ERICH1: variants seen among roughly 807,000 people sequenced by gnomAD.
ERICH1 encodes the protein glutamate rich 1, also known as glutamate-rich protein 1.
ERICH1 carries 56 observed loss-of-function variants against 39.6 expected under a neutral mutation model. That is an observed-to-expected ratio of 1.41 (90% CI 1.14 to 1.77). ERICH1 has a LOEUF of 1.77. ERICH1 is among the 40% of genes most tolerant of loss of function. The probability of loss-of-function intolerance (pLI) is 0.00; values close to 1 mark genes in which losing one functional copy is unlikely to be tolerated. For missense variants in ERICH1, 826 were observed against 575.4 expected, an observed-to-expected ratio of 1.44 and a Z score of -4.45; for synonymous variants, 313 against 223.6, an observed-to-expected ratio of 1.40 and a Z score of -3.57.
chr8:632,215 C>T (rs895845273), intron 3 of ERICH1, among the ~76,000 whole-genome samples: 1 of 152,070 alleles, frequency 6.6e-6, no homozygotes, highest in African/African-American at 2.4e-5. Context: ...CCCGGGGTCT[C>T]ATTTTTCTAT....
At chr8:661,662 A>G (rs970785991), downstream of ERICH1, among the ~76,000 whole-genome samples, 1 of 152,264 alleles carries the variant, frequency 6.6e-6, no homozygotes, top group African/African-American at 2.4e-5. Flanking sequence ...TATCATATCT[A>G]TGCTGACATA....
intron 3 of ERICH1, 76 bp downstream of exon 3, chr8:692,402 A>G: frequency 6.2e-7 from 1 of 1,604,376 alleles, no homozygotes; most frequent in East Asian, 2.2e-5. Context: ...AGATAAAGGT[A>G]TTACAATACC....
chr8:706,936 C>G (rs1473295130), intron 2 of ERICH1, among the ~76,000 whole-genome samples: 1 of 152,168 alleles, frequency 6.6e-6, no homozygotes, highest in Non-Finnish European at 1.5e-5. Flanking sequence ...TCTACAAACT[C>G]ATGCAATACC....
intron 1 of ERICH1, among the ~76,000 whole-genome samples, chr8:722,844 C>T (rs967062154): frequency 6.6e-6 from 1 of 152,210 alleles, no homozygotes; most frequent in South Asian, 2.1e-4. Flanking sequence ...TCAGGAGAAG[C>T]TGTAAAACCG....
intron 3 of ERICH1, among the ~76,000 whole-genome samples, chr8:650,252 T>A (rs1207724192): frequency 6.6e-6 from 1 of 152,110 alleles, no homozygotes; most frequent in Non-Finnish European, 1.5e-5. Flanking sequence ...CCAGGCCGAG[T>A]CAGCACTCTG....
chr8:657,037 C>A (rs1219806509), intron 3 of ERICH1, among the ~76,000 whole-genome samples: 1 of 152,174 alleles, frequency 6.6e-6, no homozygotes, highest in African/African-American at 2.4e-5. Flanking sequence ...AAGTTAATAG[C>A]TTTCTCAAAT....
chr8:625,098 T>C (rs1221358868), intron 3 of ERICH1, among the ~76,000 whole-genome samples: 2 of 152,182 alleles, frequency 1.3e-5, no homozygotes, highest in Non-Finnish European at 2.9e-5. Flanking sequence ...TCCACGCCCA[T>C]GATCCAATCA....
chr8:643,037 AAG>A (rs933837216), intron 3 of ERICH1, among the ~76,000 whole-genome samples: 1 of 152,110 alleles, frequency 6.6e-6, no homozygotes, highest in African/African-American at 2.4e-5. Flanking sequence ...TTGCTACTGG[AAG>A]AGTCCTGTCA....
chr8:635,549 G>A (rs1016184077), intron 3 of ERICH1, among the ~76,000 whole-genome samples: 1 of 152,194 alleles, frequency 6.6e-6, no homozygotes, highest in Admixed American at 6.5e-5. Flanking sequence ...GCCCGCAGGC[G>A]GCACAGCTGT....
chr8:618,847 T>A (rs145223468), intron 3 of ERICH1, among the ~76,000 whole-genome samples: 1 of 151,788 alleles, frequency 6.6e-6, no homozygotes, highest in South Asian at 2.1e-4. Context: ...GAGTTGGAGA[T>A]CAGTGGTGGA....
In ERICH1 at chr8:700,210, C is replaced by T. The variant is rs138373094; in HGVS notation, c.170-7598G>A. 8.8e-3 allele frequency among the ~76,000 whole-genome samples: 923 copies of T among 105,358 alleles called. 82 individuals carry two copies. Among genetic ancestry groups the T allele is most frequent in the African/African-American group, 0.031 (856 of 27,340 alleles). The allele number at this position is 105,358 out of a possible 152,430, so 69.1% of individuals were successfully genotyped here. On this transcript the variant is annotated intron_variant, in intron 2 of 5. Transcript: ENST00000262109. The stretch of plus-strand genomic sequence containing the variant: ...GCACACGCGCACAGGCCGGCACAGG[C>T]GCACACACCCGCACACGCGCACAGG...
chr8:634,980 G>A (rs989148080), intron 3 of ERICH1, among the ~76,000 whole-genome samples: 1 of 152,162 alleles, frequency 6.6e-6, no homozygotes, highest in African/African-American at 2.4e-5. Context: ...AAGGGATCAC[G>A]GTGGCCGTCG....
At chr8:714,922 C>A (rs150848031) in intron 2 of ERICH1, among the ~76,000 whole-genome samples, 4 of 152,188 alleles carry the variant, frequency 2.6e-5, no homozygotes, top group African/African-American at 9.7e-5. Context: ...CTGCATCTCT[C>A]GGTGGGATGT....
At chr8:686,073 C>T (rs538404632) in intron 3 of ERICH1, among the ~76,000 whole-genome samples, 60 of 151,132 alleles carry the variant, frequency 4.0e-4, no homozygotes, top group African/African-American at 1.3e-3. Context: ...GGCAGGAGGG[C>T]GGCTTAAACC....
intron 2 of ERICH1, among the ~76,000 whole-genome samples, chr8:711,501 CTTTT>C (rs1353584492): frequency 7.0e-6 from 1 of 142,202 alleles, no homozygotes. Context: ...GGTGTAAGAT[CTTTT>C]TTTTTTTTTT....
At chr8:702,658 G>C (rs910440196) in intron 2 of ERICH1, among the ~76,000 whole-genome samples, 1 of 152,252 alleles carries the variant, frequency 6.6e-6, no homozygotes, top group Admixed American at 6.5e-5. Context: ...ACCACACTCA[G>C]CACCAGGTTC....
chr8:728,765 C>T (rs1819369462), intron 1 of ERICH1, among the ~76,000 whole-genome samples: 1 of 152,174 alleles, frequency 6.6e-6, no homozygotes, highest in East Asian at 1.9e-4. Context: ...CTTACACTAG[C>T]ATAACATAGA....
At chr8:630,035 G>A (rs1472188415) in intron 3 of ERICH1, among the ~76,000 whole-genome samples, 2 of 121,502 alleles carry the variant, frequency 1.6e-5, no homozygotes, top group East Asian at 2.5e-4. Context: ...ACACCCTCCC[G>A]TGACCACCCA....
chr8:706,912 A>G (rs965891153), intron 2 of ERICH1, among the ~76,000 whole-genome samples: 2 of 152,244 alleles, frequency 1.3e-5, no homozygotes, highest in African/African-American at 2.4e-5. Context: ...TAAGAAGACA[A>G]TACTGCCCAG....
Sources: allele counts gnomAD v4.1 joint callset (sites outside exome capture counted in the v4.1 genomes callset), GRCh38; gene constraint gnomAD v4.1.1; transcripts MANE v1.5; gene names NCBI Gene and HGNC (gene_info 2026-07-23, HGNC 2026-07-21).